FGF12: variants seen among roughly 807,000 people sequenced by gnomAD.
FGF12 encodes fibroblast growth factor 12.
A neutral mutation model predicts 23.6 loss-of-function variants in FGF12; 14 were observed. The ratio of observed to expected loss-of-function variants is 0.59; its 90% confidence interval spans 0.39 to 0.93. FGF12 has a LOEUF of 0.93. Among genes scored for constraint, FGF12 ranks in the 40% least tolerant of loss-of-function variants. The probability of loss-of-function intolerance (pLI) is 0.00; values close to 1 mark genes in which losing one functional copy is unlikely to be tolerated. For missense variants in FGF12, 175 were observed against 217.8 expected, an observed-to-expected ratio of 0.80 and a Z score of 1.24; for synonymous variants, 62 against 77.3, an observed-to-expected ratio of 0.80 and a Z score of 1.04.
chr3:192,328,998 G>A (rs1243951124), intron 4 of FGF12, among the ~76,000 whole-genome samples: 1 of 152,140 alleles, frequency 6.6e-6, no homozygotes, highest in East Asian at 1.9e-4. Context: ...ATAGTTAATT[G>A]TGCAACAATT....
At chr3:192,384,682 T>C (rs1243455964) in intron 2 of FGF12, among the ~76,000 whole-genome samples, 3 of 152,176 alleles carry the variant, frequency 2.0e-5, no homozygotes, top group African/African-American at 7.2e-5. Flanking sequence ...ATACAATCTC[T>C]CTAAGACTAC....
chr3:192,266,188 C>T (rs946262044), intron 4 of FGF12, among the ~76,000 whole-genome samples: 2 of 152,166 alleles, frequency 1.3e-5, no homozygotes, highest in African/African-American at 4.8e-5. Flanking sequence ...TATGTTTCCA[C>T]AGCATTCTGT....
intron 4 of FGF12, among the ~76,000 whole-genome samples, chr3:192,206,599 A>G (rs1205792626): frequency 1.3e-5 from 2 of 152,212 alleles, no homozygotes; most frequent in Non-Finnish European, 2.9e-5. Context: ...TACATTAGTA[A>G]ATGAATATTT....
At chr3:192,185,531 T>C (rs1323223039) in intron 4 of FGF12, among the ~76,000 whole-genome samples, 3 of 152,162 alleles carry the variant, frequency 2.0e-5, no homozygotes, top group Admixed American at 1.3e-4. Context: ...ATTTTCTTTT[T>C]TTTTCATGAA....
intron 2 of FGF12, among the ~76,000 whole-genome samples, chr3:192,390,385 C>A (rs1047891300): frequency 1.3e-5 from 2 of 152,130 alleles, no homozygotes; most frequent in Admixed American, 6.5e-5. Flanking sequence ...ATTTTAAAGC[C>A]ATTTAAAGGT....
chr3:192,199,185 G>A (rs556540862), intron 4 of FGF12, among the ~76,000 whole-genome samples: 2 of 152,290 alleles, frequency 1.3e-5, no homozygotes, highest in South Asian at 4.1e-4. Flanking sequence ...ATAAAATGGG[G>A]CAAGGGGAGA....
chr3:192,184,588 G>A (rs1322514799), intron 4 of FGF12, among the ~76,000 whole-genome samples: 1 of 152,208 alleles, frequency 6.6e-6, no homozygotes, highest in Non-Finnish European at 1.5e-5. Context: ...TGAAAGGTCA[G>A]GGGAAGGCCA....
chr3:192,428,694 A>C (rs552297679), intron 2 of FGF12, among the ~76,000 whole-genome samples: 2 of 152,214 alleles, frequency 1.3e-5, no homozygotes, highest in South Asian at 2.1e-4. Context: ...ACTTTGAAAC[A>C]GTAAAATATG....
chr3:192,359,465 G>C (rs1718621762), intron 3 of FGF12, among the ~76,000 whole-genome samples: 1 of 152,180 alleles, frequency 6.6e-6, no homozygotes, highest in Non-Finnish European at 1.5e-5. Context: ...ACAGATATCA[G>C]TGAGCATTTA....
chr3:192,312,389 G>A lies in FGF12; in HGVS notation c.228+22972C>T, dbSNP rs531196723. On this transcript the variant is annotated intron_variant, in intron 4 of 5. Coordinates refer to ENST00000445105, the MANE Select transcript of FGF12 (RefSeq NM_004113.6). ...TTTGGGTTACTTTTTCATATGTCAT[G>A]TGAAAACTTAGCCTTTAATTTTTTT... Among the ~76,000 whole-genome samples, 19 of 149,644 alleles carry A rather than the reference G, an allele frequency of 1.3e-4. No individual in the cohort carries two copies. In the South Asian group the frequency reaches 3.8e-3, roughly 30 times the overall value.
intron 4 of FGF12, among the ~76,000 whole-genome samples, chr3:192,210,692 T>G (rs1036867174): frequency 6.6e-6 from 1 of 152,076 alleles, no homozygotes; most frequent in African/African-American, 2.4e-5. Context: ...TAGCAAGGAA[T>G]AGAGATAAAA....
intron 2 of FGF12, among the ~76,000 whole-genome samples, chr3:192,449,032 G>A (rs1248828671): frequency 6.6e-6 from 1 of 152,182 alleles, no homozygotes; most frequent in East Asian, 1.9e-4. Flanking sequence ...TTCTGTTTTA[G>A]TGTACACAAA....
chr3:192,450,457 A>T (rs73066292), intron 2 of FGF12, among the ~76,000 whole-genome samples: 20,853 of 152,188 alleles, frequency 0.14, 1,680 homozygotes, highest in African/African-American at 0.23. Context: ...GATAGAACCG[A>T]ACATAGGATA....
At position 192,512,325 on chromosome 3, in the gene FGF12, T is replaced by G. The variant is rs147401513; in HGVS notation, c.14-151787A>C. Among the ~76,000 whole-genome samples the G allele has an allele frequency of 3.8e-3, 584 of 152,214 alleles. 3 individuals carry two copies. The highest frequency in any genetic ancestry group is 0.014 in the African/African-American group (568 of 41,546). On this transcript the variant is annotated intron_variant, in intron 2 of 5. Coordinates refer to ENST00000445105, the MANE Select transcript of FGF12 (RefSeq NM_004113.6). Reference sequence around the variant, plus strand: ...GGCAATATTACATGAAAAATTGCTGTGAGGTCATACTAATGGCACAGACCA... The same window carrying G: ...GGCAATATTACATGAAAAATTGCTGGGAGGTCATACTAATGGCACAGACCA...
intron 2 of FGF12, among the ~76,000 whole-genome samples, chr3:192,702,717 G>C (rs998166847): frequency 6.6e-6 from 1 of 152,058 alleles, no homozygotes; most frequent in African/African-American, 2.4e-5. Context: ...ACTAGAACCC[G>C]GGAGGAGGAG....
chr3:192,450,705 T>C (rs1196056929), intron 2 of FGF12, among the ~76,000 whole-genome samples: 1 of 152,228 alleles, frequency 6.6e-6, no homozygotes, highest in Non-Finnish European at 1.5e-5. Context: ...AACAGTTTCA[T>C]GGATTAAGAA....
At position 192,514,950 on chromosome 3, in the gene FGF12, G is replaced by C. The variant is rs1724617227; in HGVS notation, c.14-154412C>G. On this transcript the variant is annotated intron_variant, in intron 2 of 5. Coordinates refer to ENST00000445105, the MANE Select transcript of FGF12 (RefSeq NM_004113.6). The surrounding 1 kb of genome is among the most constrained non-coding windows in gnomAD (Gnocchi z 4.9). ...GGCCGGGACGCGGAAGTGCCGGTCCGCCGGGGGCAGCCCTCCGAGAGCCCG... is the reference window on the plus strand; with the variant it reads ...GGCCGGGACGCGGAAGTGCCGGTCCCCCGGGGGCAGCCCTCCGAGAGCCCG... 1 of 826,264 alleles carries C rather than the reference G, an allele frequency of 1.2e-6. No individual in the cohort carries two copies. 51.2% of individuals were successfully genotyped at this position (826,264 alleles called of 1,614,324 possible).
chr3:192,216,316 C>A (rs146327182), intron 4 of FGF12, among the ~76,000 whole-genome samples: 1 of 152,120 alleles, frequency 6.6e-6, no homozygotes, highest in Admixed American at 6.5e-5. Context: ...TTATCTACCC[C>A]CTGGTAATGG....
At chr3:192,588,545 A>G (rs1419245116) in intron 2 of FGF12, among the ~76,000 whole-genome samples, 1 of 151,860 alleles carries the variant, frequency 6.6e-6, no homozygotes, top group African/African-American at 2.4e-5. Flanking sequence ...TGTTAGGAAC[A>G]AGAAAGAAGT....
Sources: gnomAD v4.1 joint callset for allele counts (sites outside exome capture counted in the v4.1 genomes callset) on GRCh38, gnomAD v4.1.1 for gene constraint, Gnocchi (gnomAD v3.1) non-coding constraint, MANE v1.5 for transcripts, NCBI Gene and HGNC (gene_info 2026-07-23, HGNC 2026-07-21) for gene names.